Variants in FBXO4 observed in about 807,000 individuals in gnomAD.
FBXO4 encodes F-box protein 4.
In FBXO4, 36 loss-of-function variants were observed where a neutral mutation model predicts 43.7. The ratio of observed to expected loss-of-function variants is 0.82; its 90% CI spans 0.63 to 1.09. FBXO4 has a LOEUF of 1.09. Ranked by LOEUF, FBXO4 falls within the 50% of genes least tolerant of loss-of-function variation. The pLI, the probability that FBXO4 is intolerant of heterozygous loss-of-function variation, is 0.00. For missense variants in FBXO4, 435 were observed against 474.1 expected (o/e 0.92, Z 0.77); for synonymous variants, 180 against 165.6 (o/e 1.09, Z -0.67).
At chr5:42,034,368 T>C in the FBXO4 span, among the ~76,000 whole-genome samples, 2 of 152,370 alleles carry the variant, frequency 1.3e-5, no homozygotes, top group East Asian at 3.8e-4. Context: ...TTTAGTTTAA[T>C]TAGGTCCCAT....
At chr5:42,007,698 T>C in the FBXO4 span, among the ~76,000 whole-genome samples, 1 of 152,126 alleles carries the variant, frequency 6.6e-6, no homozygotes, top group Admixed American at 6.6e-5. Flanking sequence ...ATCCAACTCA[T>C]TGGGCATCAA....
chr5:41,935,871 ACT>A (rs1751836192), intron 5 of FBXO4, among the ~76,000 whole-genome samples: 1 of 152,176 alleles, frequency 6.6e-6, no homozygotes, highest in South Asian at 2.1e-4. Context: ...ACAAGTAGAA[ACT>A]CTGAGAAAGA....
chr5:42,036,611 T>C, the FBXO4 span, among the ~76,000 whole-genome samples: 2 of 152,118 alleles, frequency 1.3e-5, no homozygotes, highest in African/African-American at 4.8e-5. Context: ...TAGCCTTATC[T>C]TGGGGAATTA....
chr5:42,022,065 C>T, the FBXO4 span, among the ~76,000 whole-genome samples: 1 of 152,124 alleles, frequency 6.6e-6, no homozygotes, highest in Non-Finnish European at 1.5e-5. Flanking sequence ...TGAACGAGAA[C>T]ATTTGGTTTA....
At chr5:41,940,159 T>G (rs925217292) in intron 6 of FBXO4, among the ~76,000 whole-genome samples, 2 of 151,746 alleles carry the variant, frequency 1.3e-5, no homozygotes, top group Non-Finnish European at 2.9e-5. Flanking sequence ...CCAGGTTGTT[T>G]TTTTTTAGAT....
chr5:42,014,628 A>G, the FBXO4 span, among the ~76,000 whole-genome samples: 2 of 152,198 alleles, frequency 1.3e-5, no homozygotes, highest in Admixed American at 6.5e-5. Flanking sequence ...TTTTTAACAC[A>G]GAAAATATAA....
chr5:41,964,284 C>A, the FBXO4 span, among the ~76,000 whole-genome samples: 1 of 152,076 alleles, frequency 6.6e-6, no homozygotes, highest in South Asian at 2.1e-4. Flanking sequence ...TTATTGCTTT[C>A]TTTGTAAATG....
the FBXO4 span, among the ~76,000 whole-genome samples, chr5:41,989,085 A>C: frequency 1.3e-5 from 2 of 152,200 alleles, no homozygotes; most frequent in African/African-American, 4.8e-5. Flanking sequence ...GAATTAGTTC[A>C]ATATTTAAGA....
At chr5:41,949,936 A>T in the FBXO4 span, among the ~76,000 whole-genome samples, 10 of 152,222 alleles carry the variant, frequency 6.6e-5, no homozygotes, top group Non-Finnish European at 1.2e-4. Context: ...CTGATCTTTG[A>T]CAAACCTGAC....
chr5:42,039,087 T>C, the FBXO4 span, among the ~76,000 whole-genome samples: 1 of 152,068 alleles, frequency 6.6e-6, no homozygotes, highest in African/African-American at 2.4e-5. Context: ...ATTCTAACTG[T>C]AATGACAAAT....
At chr5:41,992,949 T>C in the FBXO4 span, among the ~76,000 whole-genome samples, 1 of 152,236 alleles carries the variant, frequency 6.6e-6, no homozygotes, top group Non-Finnish European at 1.5e-5. Context: ...CTGTAAGTCA[T>C]GCTCTTTTAA....
At chr5:42,019,512 A>T in the FBXO4 span, among the ~76,000 whole-genome samples, 9 of 152,106 alleles carry the variant, frequency 5.9e-5, no homozygotes, top group Non-Finnish European at 1.0e-4. Context: ...AACATGGTGA[A>T]ACCCCATCTC....
At chr5:41,931,102 G>A (rs1350964247) in intron 3 of FBXO4, among the ~76,000 whole-genome samples, 1 of 152,212 alleles carries the variant, frequency 6.6e-6, no homozygotes, top group Non-Finnish European at 1.5e-5. Context: ...ATTTTAAGTA[G>A]AGGATTGAGA....
chr5:41,944,038 A>G (rs976569010), downstream of FBXO4, among the ~76,000 whole-genome samples: 9 of 152,202 alleles, frequency 5.9e-5, no homozygotes, highest in Non-Finnish European at 1.2e-4. Context: ...TCTAGAGTCC[A>G]GAATTGTGAG....
chr5:42,006,110 T>C, the FBXO4 span, among the ~76,000 whole-genome samples: 2 of 152,158 alleles, frequency 1.3e-5, no homozygotes, highest in East Asian at 3.8e-4. Flanking sequence ...TACAAAAGCT[T>C]AGCTTAGCCT....
chr5:41,934,345 C>G (rs1167469126), intron 5 of FBXO4, 37 bp downstream of exon 5: 2 of 1,612,634 alleles, frequency 1.2e-6, no homozygotes, highest in Non-Finnish European at 1.7e-6. Flanking sequence ...GCACATTGTT[C>G]TTTTCAAAGC....
At chr5:41,983,564 A>G in the FBXO4 span, among the ~76,000 whole-genome samples, 5 of 152,104 alleles carry the variant, frequency 3.3e-5, no homozygotes, top group Admixed American at 3.3e-4. Flanking sequence ...TTTTCCTTAT[A>G]TAACTTAATT....
the FBXO4 span, chr5:41,967,253 G>C: frequency 1.0e-5 from 5 of 481,698 alleles, no homozygotes; most frequent in Non-Finnish European, 2.1e-5. Context: ...CTGTCATAGG[G>C]CCAACACCTC....
chr5:41,944,872 A>G (rs1752054553), downstream of FBXO4, among the ~76,000 whole-genome samples: 1 of 152,204 alleles, frequency 6.6e-6, no homozygotes. Flanking sequence ...TAGATACTTC[A>G]CTGGACAGGA....
Sources: gnomAD v4.1 joint callset for allele counts (sites outside exome capture counted in the v4.1 genomes callset) on GRCh38, gnomAD v4.1.1 for gene constraint, MANE v1.5 for transcripts, NCBI Gene and HGNC (gene_info 2026-07-23, HGNC 2026-07-21) for gene names.